MTERF3: variants seen among roughly 807,000 people sequenced by gnomAD.
MTERF3 encodes the protein transcription termination factor 3, mitochondrial.
Under a neutral mutation model 40.5 loss-of-function variants are expected in MTERF3, and 40 were observed. The observed-to-expected ratio is 0.99, with a 90% CI of 0.77 to 1.29. The LOEUF (loss-of-function observed/expected upper bound fraction) is 1.29, where lower values mean the gene tolerates loss of function less well. Among genes scored for constraint, MTERF3 ranks in the 50% most tolerant of loss-of-function variants. The pLI is 0.00. For missense variants in MTERF3, 452 were observed against 478.2 expected (o/e 0.95, Z 0.51); for synonymous variants, 158 against 166.6 (o/e 0.95, Z 0.40).
chr8:96,249,295 G>A (rs1269858641), intron 4 of MTERF3, among the ~76,000 whole-genome samples: 3 of 152,154 alleles, frequency 2.0e-5, no homozygotes, highest in Admixed American at 6.5e-5. Context: ...ATGGTGCAGC[G>A]TGTGAAATGA....
intron 6 of MTERF3, 83 bp from the exon 7 acceptor site, chr8:96,244,163 T>C: frequency 8.2e-7 from 1 of 1,220,546 alleles, no homozygotes; most frequent in Non-Finnish European, 1.1e-6. Context: ...GATTTTTTTT[T>C]TTTTTGAGAT....
chr8:96,239,595 A>G lies in MTERF3; in HGVS notation c.1150T>C (p.Tyr384His). 1 of 1,612,916 alleles carries G rather than the reference A, an allele frequency of 6.2e-7. No homozygotes were observed. The highest frequency in any genetic ancestry group is 8.5e-7 in the Non-Finnish European group (1 of 1,179,636). ...RAQYDPAKPN[Y>H]ISLDKLVSIP... is the part of the protein sequence containing the mutation. ...GATACTAGTTTGTCCAAAGAGATGT[A>G]GTTAGGTTTTGCTGGATCATACTGT... is the stretch of plus-strand genomic sequence containing the variant. Residue 384 changes from tyrosine to histidine, a missense_variant, in exon 8 of 8, where the codon TAC (tyrosine) becomes CAC (histidine). Physicochemically the swap from Tyr to His is moderately conservative, Grantham distance 83 (BLOSUM62 2). Coordinates refer to ENST00000287025, the MANE Select transcript of MTERF3 (RefSeq NM_015942.5).
intron 7 of MTERF3, among the ~76,000 whole-genome samples, chr8:96,242,433 A>G (rs982623528): frequency 6.6e-6 from 1 of 152,206 alleles, no homozygotes; most frequent in Admixed American, 6.5e-5. Flanking sequence ...ATGTACTTCT[A>G]GCAGATCCTA....
chr8:96,246,332 T>G lies in MTERF3; in HGVS notation c.800A>C (p.Lys267Thr). Residue 267 changes from lysine (K) to threonine (T), a missense_variant, in exon 5 of 8, where the codon AAA becomes ACA. Transcript: ENST00000287025. The part of the protein sequence containing the change: ...RLDNRLGFFQ[K>T]ELELSVKKTR... Reference sequence around the variant, plus strand: ...CTTCTTCACACTAAGTTCAAGTTCTTTCTGAAAAAATCCCAATCTGTTATC... The same window carrying G: ...CTTCTTCACACTAAGTTCAAGTTCTGTCTGAAAAAATCCCAATCTGTTATC... 1 of 1,606,256 alleles carries G rather than the reference T, an allele frequency of 6.2e-7. No individual in the cohort carries two copies. The highest frequency in any genetic ancestry group is 8.5e-7 in the Non-Finnish European group (1 of 1,178,506).
At chr8:96,259,138 C>T (rs1303875555) in intron 1 of MTERF3, among the ~76,000 whole-genome samples, 1 of 152,214 alleles carries the variant, frequency 6.6e-6, no homozygotes, top group African/African-American at 2.4e-5. Flanking sequence ...ATCAAAGTAA[C>T]ACTGAATTAT....
chr8:96,257,438 T>C (rs1414929079), intron 2 of MTERF3, among the ~76,000 whole-genome samples: 5 of 152,218 alleles, frequency 3.3e-5, no homozygotes, highest in Non-Finnish European at 2.9e-5. Context: ...GAGTTTACCA[T>C]AGCCTGTTAA....
At chr8:96,241,145 C>T (rs367928161) in intron 7 of MTERF3, among the ~76,000 whole-genome samples, 212 of 152,224 alleles carry the variant, frequency 1.4e-3, no homozygotes, top group African/African-American at 4.9e-3. Flanking sequence ...GGCGCGGTGG[C>T]TCACACCTGT....
intron 4 of MTERF3, among the ~76,000 whole-genome samples, chr8:96,246,926 G>A (rs1810032135): frequency 6.6e-6 from 1 of 150,596 alleles, no homozygotes; most frequent in African/African-American, 2.4e-5. Flanking sequence ...ATAACTGAGA[G>A]AGGCATTTTT....
chr8:96,250,650 G>GAAAGAAGAAAGAAGA (rs534630835), intron 4 of MTERF3, among the ~76,000 whole-genome samples: 2 of 27,562 alleles, frequency 7.3e-5, no homozygotes, highest in Non-Finnish European at 1.5e-4. Context: ...AGAAGAAGAA[G>GAAAGAAGAAAGAAGA]AAGAAGAAGA....
chr8:96,246,474 T>TA lies in MTERF3; in HGVS notation c.678-21dup, dbSNP rs1810023956. On this transcript the variant is annotated intron_variant, in intron 4 of 7. Transcript: ENST00000287025. ...GCCACCCTAGAGAAACATAAATACA[T>TA]ACGCATGTGATAAACACTTACATTC... The TA allele has an allele frequency of 6.3e-7, 1 of 1,581,454 alleles. No homozygotes were observed.
At chr8:96,252,920 A>G (rs1043200585) in intron 3 of MTERF3, among the ~76,000 whole-genome samples, 1 of 152,162 alleles carries the variant, frequency 6.6e-6, no homozygotes, top group Non-Finnish European at 1.5e-5. Context: ...AATGCAAATA[A>G]CTTGGGCTCA....
At chr8:96,255,548 A>G (rs565017321) in intron 3 of MTERF3, among the ~76,000 whole-genome samples, 1 of 151,440 alleles carries the variant, frequency 6.6e-6, no homozygotes, top group African/African-American at 2.4e-5. Context: ...CTGAGGCAGG[A>G]GAATCACTTG....
chr8:96,250,526 TG>T (rs1379140925), intron 4 of MTERF3, among the ~76,000 whole-genome samples: 7 of 147,616 alleles, frequency 4.7e-5, no homozygotes, highest in African/African-American at 1.5e-4. Context: ...GCCTGGCCAA[TG>T]TGGCGAAACC....
intron 1 of MTERF3, among the ~76,000 whole-genome samples, chr8:96,260,839 G>T (rs1563554574): frequency 6.6e-6 from 1 of 152,244 alleles, no homozygotes; most frequent in East Asian, 1.9e-4. Flanking sequence ...CCATCCTTCC[G>T]GGGACTATTC....
Position 96,248,829 on chromosome 8 carries a change from G to C in MTERF3, c.677+2077C>G, listed in dbSNP as rs569752419. On this transcript the variant is annotated intron_variant, in intron 4 of 7. Transcript: ENST00000287025. The stretch of plus-strand genomic sequence containing the variant: ...TAAAAAATAAGTACATGAAATCAGT[G>C]CTGTTATAGAAATAAGACTGCTGCA... Among the ~76,000 whole-genome samples the C allele has an allele frequency of 1.8e-4, 28 of 152,212 alleles. No homozygotes were observed. In the South Asian group the frequency reaches 5.8e-3, roughly 32 times the overall value.
At chr8:96,246,496 A>C in intron 4 of MTERF3, 42 bp from the exon 5 acceptor site, 1 of 1,507,982 alleles carries the variant, frequency 6.6e-7, no homozygotes, top group Middle Eastern at 2.1e-4. Context: ...AAACACTTAC[A>C]TTCTTTTTTT....
At chr8:96,251,201 A>G in intron 3 of MTERF3, 106 bp from the exon 4 acceptor site, 2 of 790,054 alleles carry the variant, frequency 2.5e-6, no homozygotes, top group Non-Finnish European at 3.8e-6. Flanking sequence ...ACCTATCCAA[A>G]GGAGCACTGA....
At chr8:96,258,922 G>C (rs1810331804) in intron 1 of MTERF3, among the ~76,000 whole-genome samples, 1 of 152,184 alleles carries the variant, frequency 6.6e-6, no homozygotes, top group East Asian at 1.9e-4. Flanking sequence ...GAACTTCTGA[G>C]TGGAAAAATA....
Position 96,239,943 on chromosome 8 carries a change from G to A in MTERF3, c.1060-258C>T, listed in dbSNP as rs1388049500. 3.2e-5 allele frequency: 20 copies of A among 632,056 alleles called. No homozygotes were observed. In the East Asian group the frequency reaches 5.6e-4, roughly 18 times the overall value. 39.2% of individuals were successfully genotyped at this position (632,056 alleles called of 1,614,324 possible). A position where few individuals can be genotyped will look rare whatever the true frequency, so the allele number is the denominator to read the frequency against. ...TGTGCAAAGAAGATTGAGTGCTCCAGAGACAGAGGAGAATGTGTTAAAAAA... is the reference window on the plus strand; with the variant it reads ...TGTGCAAAGAAGATTGAGTGCTCCAAAGACAGAGGAGAATGTGTTAAAAAA... On this transcript the variant is annotated intron_variant, in intron 7 of 7. Transcript: ENST00000287025.
Sources: gnomAD v4.1 joint callset for allele counts (sites outside exome capture counted in the v4.1 genomes callset) on GRCh38, gnomAD v4.1.1 for gene constraint, MANE v1.5 for transcripts, NCBI Gene and HGNC (gene_info 2026-07-23, HGNC 2026-07-21) for gene names.